Variants in INO80D observed in about 807,000 individuals in gnomAD.
The protein encoded by INO80D is INO80 complex subunit D.
A neutral mutation model predicts 87.6 loss-of-function variants in INO80D; 21 were observed. The observed-to-expected ratio is 0.24, with a 90% confidence interval of 0.17 to 0.35. The LOEUF is 0.35. Among genes scored for constraint, INO80D ranks in the 10% least tolerant of loss-of-function variants. The probability of loss-of-function intolerance (pLI) is 1.00; values close to 1 mark genes in which losing one functional copy is unlikely to be tolerated. For synonymous variants in INO80D, 440 were observed against 491.0 expected (o/e 0.90, Z 1.37); for missense variants, 982 against 1,280.7 (o/e 0.77, Z 3.56).
In INO80D at chr2:206,078,773, C is replaced by T. The variant is rs371347078; in HGVS notation, c.-124+7128G>A. ...TAGCCTGGCCAAGATGGTGAAACCC[C>T]GTCTCTACTAAAAACACAAAAATTA... On this transcript the variant is annotated intron_variant, in intron 1 of 10. Coordinates refer to ENST00000403263, the MANE Select transcript of INO80D (RefSeq NM_017759.5). Among the ~76,000 whole-genome samples, 13 of 152,056 alleles carry T rather than the reference C, an allele frequency of 8.5e-5. No homozygotes were observed. The East Asian group carries it at 2.1e-3, about 25-fold the overall frequency.
intron 4 of INO80D, among the ~76,000 whole-genome samples, chr2:206,048,453 G>A (rs1306631194): frequency 6.6e-6 from 1 of 151,488 alleles, no homozygotes; most frequent in East Asian, 2.0e-4. Flanking sequence ...GGCTGCTCTC[G>A]AACTCCTGAG....
chr2:206,051,099 T>G (rs1397234940), intron 4 of INO80D, among the ~76,000 whole-genome samples: 1 of 152,202 alleles, frequency 6.6e-6, no homozygotes, highest in Non-Finnish European at 1.5e-5. Flanking sequence ...TGTTCATATA[T>G]TCTTGGGATG....
At chr2:206,079,694 A>G (rs559911103) in intron 1 of INO80D, among the ~76,000 whole-genome samples, 10 of 152,212 alleles carry the variant, frequency 6.6e-5, no homozygotes, top group African/African-American at 2.4e-4. Flanking sequence ...TATAACTCAA[A>G]TCCTCTAAAT....
intron 7 of INO80D, 145 bp downstream of exon 7, chr2:206,019,591 T>G (rs1266668893): frequency 1.6e-6 from 1 of 612,150 alleles, no homozygotes; most frequent in African/African-American, 1.9e-5. Context: ...TCAGAGGACA[T>G]CATGAAAATT....
At chr2:206,018,379 C>T (rs1467353470) in intron 7 of INO80D, among the ~76,000 whole-genome samples, 2 of 152,122 alleles carry the variant, frequency 1.3e-5, no homozygotes, top group African/African-American at 4.8e-5. Context: ...CTCCTGACCT[C>T]AAGTGATCTA....
At position 206,049,935 on chromosome 2, in the gene INO80D, C is replaced by T. The variant is rs539238171; in HGVS notation, c.965-3323G>A. Reference sequence around the variant, plus strand: ...TCACCTGAGGTCAGGAGTTCAAGACCAGCCTGGCCAACGTGGTGAAACCCC... The same window carrying T: ...TCACCTGAGGTCAGGAGTTCAAGACTAGCCTGGCCAACGTGGTGAAACCCC... On this transcript the variant is annotated intron_variant, in intron 4 of 10. Coordinates refer to ENST00000403263, the MANE Select transcript of INO80D (RefSeq NM_017759.5). Among the ~76,000 whole-genome samples, 193 of 151,718 alleles carry T rather than the reference C, an allele frequency of 1.3e-3. 1 individual carries two copies. Among genetic ancestry groups the T allele is most frequent in the Non-Finnish European group, 6.6e-4 (45 of 67,912 alleles).
At chr2:206,049,132 T>C (rs1243411832) in intron 4 of INO80D, among the ~76,000 whole-genome samples, 1 of 152,188 alleles carries the variant, frequency 6.6e-6, no homozygotes, top group Non-Finnish European at 1.5e-5. Context: ...CTTCATGGAT[T>C]GCTTCCATAG....
intron 1 of INO80D, among the ~76,000 whole-genome samples, chr2:206,073,575 A>T (rs1690030024): frequency 6.6e-6 from 1 of 151,888 alleles, no homozygotes; most frequent in African/African-American, 2.4e-5. Context: ...GTGCAGTGGT[A>T]TGATTACGAC....
intron 6 of INO80D, among the ~76,000 whole-genome samples, chr2:206,022,991 G>A (rs1244946005): frequency 6.6e-6 from 1 of 152,270 alleles, no homozygotes; most frequent in East Asian, 1.9e-4. Flanking sequence ...CTGAGGTCAG[G>A]AGTTCGAGAC....
chr2:206,022,492 A>T (rs1465979295), intron 6 of INO80D, among the ~76,000 whole-genome samples: 1 of 152,220 alleles, frequency 6.6e-6, no homozygotes, highest in Non-Finnish European at 1.5e-5. Context: ...TTTCATATTT[A>T]AAAAATCTAC....
chr2:206,007,416 C>T lies in INO80D; in HGVS notation c.1786G>A (p.Ala596Thr). 1 of 1,613,482 alleles carries T rather than the reference C, an allele frequency of 6.2e-7. No individual in the cohort carries two copies. The highest frequency in any genetic ancestry group is 8.5e-7 in the Non-Finnish European group (1 of 1,179,750). The change falls in exon 10 of 11, where the codon GCT (alanine) becomes ACT (threonine). Residue 596 changes from alanine to threonine, a missense_variant. Coordinates refer to ENST00000403263, the MANE Select transcript of INO80D (RefSeq NM_017759.5). ...IRSPSTPELS[A>T]DELPDDIANE... Reference sequence around the variant, plus strand: ...GCAATGTCATCCGGCAACTCATCAGCACTCAGCTCTGGCGTGGATGGGCTC... The same window carrying T: ...GCAATGTCATCCGGCAACTCATCAGTACTCAGCTCTGGCGTGGATGGGCTC...
At chr2:206,005,583 C>CTG in intron 10 of INO80D, 50 bp from the exon 11 acceptor site, 1 of 1,349,564 alleles carries the variant, frequency 7.4e-7, no homozygotes, top group Non-Finnish European at 1.0e-6. Context: ...ACCAGTTCTA[C>CTG]ATCACAAAAA....
Position 206,056,597 on chromosome 2 carries a change from C to G in INO80D, c.565G>C (p.Val189Leu), listed in dbSNP as rs1402672090. The change falls in exon 4 of 11, where the codon GTT (valine) becomes CTT (leucine). Residue 189 changes from valine (V) to leucine (L), a missense_variant. Transcript: ENST00000403263. The stretch of plus-strand genomic sequence containing the variant: ...GGGGGACTAAAGTGCTCTTGTCGAA[C>G]TTTTAAAATCTCTGTCTCTCTCTGG... ...QRQRETEILK[V>L]RQEHFSPPPA... The G allele has an allele frequency of 1.2e-6, 2 of 1,610,476 alleles. No individual in the cohort carries two copies. Among genetic ancestry groups the G allele is most frequent in the East Asian group, 2.2e-5 (1 of 44,822 alleles).
intron 8 of INO80D, among the ~76,000 whole-genome samples, chr2:206,011,716 C>T (rs893550134): frequency 6.6e-6 from 1 of 152,158 alleles, no homozygotes; most frequent in African/African-American, 2.4e-5. Context: ...ATTGGTATGC[C>T]TAACCATTAA....
intron 10 of INO80D, among the ~76,000 whole-genome samples, chr2:206,007,022 G>T (rs1688044580): frequency 6.6e-6 from 1 of 152,168 alleles, no homozygotes; most frequent in South Asian, 2.1e-4. Context: ...CTCCAGCCTG[G>T]GCGACAGAGT....
chr2:206,058,060 T>G (rs768374607), intron 3 of INO80D, among the ~76,000 whole-genome samples: 3 of 152,144 alleles, frequency 2.0e-5, no homozygotes, highest in Admixed American at 6.5e-5. Flanking sequence ...GCTTGTGAAT[T>G]TTCGTCTGTG....
rs1687982918 is a variant in INO80D, at chr2:206,004,904, ATGT to A, written c.2545_2547del (p.Thr849del). The A allele has an allele frequency of 6.2e-7, 1 of 1,613,886 alleles. No individual in the cohort carries two copies. The highest frequency in any genetic ancestry group is 8.5e-7 in the Non-Finnish European group (1 of 1,179,842). ...GCTGCCATATTATCACCAGAGTACG[ATGT>A]TGTGTGGGGAGAGGTGATATGGTCA... On this transcript the variant is annotated inframe_deletion, in exon 11 of 11. Transcript: ENST00000403263. The surrounding 1 kb of genome is among the most constrained non-coding windows in gnomAD (Gnocchi z 4.9).
Position 206,017,737 on chromosome 2 carries a change from C to A in INO80D, c.1485G>T (p.Val495=). 6.2e-7 allele frequency: 1 copy of A among 1,613,276 alleles called. No homozygotes were observed. The highest frequency in any genetic ancestry group is 2.2e-5 in the East Asian group (1 of 44,852). Residue 495 remains valine, a synonymous_variant, in exon 8 of 11, where the codon GTG becomes GTT. Transcript: ENST00000403263. ...AKFADGQQCS[V]PVFDITHQTP... ...TCTGATGTGTAATGTCAAAAACTGG[C>A]ACAGAGCACTGCTGTCCATCTGCAA...
chr2:206,056,241 GCA>G lies in INO80D; in HGVS notation c.919_920del (p.Cys307HisfsTer9). 6.2e-7 allele frequency: 1 copy of G among 1,608,134 alleles called. No individual in the cohort carries two copies. The highest frequency in any genetic ancestry group is 8.5e-7 in the Non-Finnish European group (1 of 1,177,576). On this transcript the variant is annotated frameshift_variant, in exon 4 of 11. Transcript: ENST00000403263. LOFTEE classifies it high-confidence loss of function. Reference sequence around the variant, plus strand: ...CAGTGTCCAACTGATGTTTCTGGGTGCACAGTTTCACCAGTCTCTGCAGTCGG... The same window carrying G: ...CAGTGTCCAACTGATGTTTCTGGGTGCAGTTTCACCAGTCTCTGCAGTCGG... ...ISRLQRLVKL[C>X]TQKHQLDTDL...
Sources: allele counts gnomAD v4.1 joint callset (sites outside exome capture counted in the v4.1 genomes callset), GRCh38; gene constraint gnomAD v4.1.1; non-coding constraint Gnocchi (gnomAD v3.1); transcripts MANE v1.5; gene names NCBI Gene and HGNC (gene_info 2026-07-23, HGNC 2026-07-21).